PCSK6: variants seen among roughly 807,000 people sequenced by gnomAD.
PCSK6 encodes proprotein convertase subtilisin/kexin type 6, also known as paired basic amino acid cleaving enzyme 4.
PCSK6 carries 85 observed loss-of-function variants against 123.3 expected under a neutral mutation model. The observed-to-expected ratio is 0.69, with a 90% CI of 0.58 to 0.83. The LOEUF is 0.83. Among genes scored for constraint, PCSK6 ranks in the 40% least tolerant of loss-of-function variants. PCSK6 has a pLI of 0.00. For missense variants in PCSK6, 1,191 were observed against 1,282.3 expected (o/e 0.93, Z 1.09); for synonymous variants, 508 against 516.0 (o/e 0.98, Z 0.21).
intron 13 of PCSK6, among the ~76,000 whole-genome samples, chr15:101,344,899 G>A (rs1482898876): frequency 3.3e-5 from 5 of 152,148 alleles, no homozygotes; most frequent in South Asian, 2.1e-4. Flanking sequence ...CAAGTGATCC[G>A]CCCACCTCAG....
intron 1 of PCSK6, among the ~76,000 whole-genome samples, chr15:101,470,911 A>T (rs2057587857): frequency 6.6e-6 from 1 of 152,238 alleles, no homozygotes; most frequent in Non-Finnish European, 1.5e-5. Flanking sequence ...AAAGTCAGCA[A>T]TTCAAATTCT....
chr15:101,432,006 GACC>G lies in PCSK6; in HGVS notation c.494_496del (p.Trp165del). The stretch of plus-strand genomic sequence containing the variant: ...CCTACTCACCAGGTACCACATGTTG[GACC>G]AAATGGGGTCGTTGAAGTAAAGGGC... On this transcript the variant is annotated inframe_deletion, in exon 3 of 22. Coordinates refer to ENST00000611716, the MANE Select transcript of PCSK6 (RefSeq NM_002570.5). The G allele has an allele frequency of 6.2e-7, 1 of 1,612,534 alleles. No individual in the cohort carries two copies. Among genetic ancestry groups the G allele is most frequent in the Non-Finnish European group, 8.5e-7 (1 of 1,178,958 alleles).
At chr15:101,365,007 T>C (rs746361874) in intron 13 of PCSK6, 18 of 777,798 alleles carry the variant, frequency 2.3e-5, no homozygotes, top group Middle Eastern at 4.5e-4. Flanking sequence ...ACCTCTCTTC[T>C]GTGGTCAGTT....
chr15:101,336,367 C>T lies in PCSK6; in HGVS notation c.1859-4336G>A, dbSNP rs552208155. Among the ~76,000 whole-genome samples, 8 of 152,344 alleles carry T rather than the reference C, an allele frequency of 5.3e-5. No individual in the cohort carries two copies. In the East Asian group the frequency reaches 1.2e-3, roughly 22 times the overall value. On this transcript the variant is annotated intron_variant, in intron 13 of 21. Transcript: ENST00000611716. ...TCCATTAAGGGAAACCTACTGCACA[C>T]GTCATTTCAGCTGTGTGCATGTGTA...
At chr15:101,462,952 C>T (rs2057371855) in intron 1 of PCSK6, 2 of 451,856 alleles carry the variant, frequency 4.4e-6, no homozygotes, top group Admixed American at 4.7e-5. Context: ...GCAGCAGCCC[C>T]AGGAGCAGCC....
chr15:101,374,782 C>T (rs1282797144), intron 11 of PCSK6, among the ~76,000 whole-genome samples: 6 of 152,210 alleles, frequency 3.9e-5, no homozygotes, highest in African/African-American at 9.6e-5. Flanking sequence ...TCGGAGGGCA[C>T]ACAGTGCCCG....
chr15:101,401,584 TTCACCA>T (rs2042588625), intron 6 of PCSK6, among the ~76,000 whole-genome samples: 1 of 152,084 alleles, frequency 6.6e-6, no homozygotes, highest in African/African-American at 2.4e-5. Flanking sequence ...AGACCTTGCC[TTCACCA>T]TCAACTGTGA....
chr15:101,447,378 C>T (rs936817966), intron 1 of PCSK6, among the ~76,000 whole-genome samples: 2 of 152,202 alleles, frequency 1.3e-5, no homozygotes, highest in African/African-American at 4.8e-5. Context: ...TAGGGTGTGA[C>T]AAGGACCCAC....
rs186304687 is a variant in PCSK6 at position 101,479,382 on chromosome 15, G to C, written c.297+9992C>G. Among the ~76,000 whole-genome samples the C allele has an allele frequency of 5.2e-4, 79 of 152,380 alleles. 1 individual carries two copies. The highest frequency in any genetic ancestry group is 1.9e-3 in the African/African-American group (78 of 41,588). ...AAGTGAAGGGTTCTGGGTGAGCACA[G>C]AGCAGTGGGGCTCTGAAGAATCCTA... On this transcript the variant is annotated intron_variant, in intron 1 of 21. Coordinates refer to ENST00000611716, the MANE Select transcript of PCSK6 (RefSeq NM_002570.5).
At chr15:101,458,721 G>A (rs1268163517) in intron 1 of PCSK6, among the ~76,000 whole-genome samples, 1 of 152,134 alleles carries the variant, frequency 6.6e-6, no homozygotes, top group Non-Finnish European at 1.5e-5. Flanking sequence ...TTTCTCCCCA[G>A]CGGCAACCAC....
chr15:101,472,411 T>G (rs2057629123), intron 1 of PCSK6, among the ~76,000 whole-genome samples: 1 of 152,228 alleles, frequency 6.6e-6, no homozygotes. Flanking sequence ...AGGCATCAGT[T>G]TCACACCCAC....
At chr15:101,482,089 T>C (rs1227225382) in intron 1 of PCSK6, among the ~76,000 whole-genome samples, 2 of 152,262 alleles carry the variant, frequency 1.3e-5, no homozygotes, top group African/African-American at 2.4e-5. Context: ...CTGTTCATTC[T>C]GGCAGAAGCC....
At chr15:101,404,604 G>T (rs2042713562) in intron 6 of PCSK6, among the ~76,000 whole-genome samples, 1 of 152,204 alleles carries the variant, frequency 6.6e-6, no homozygotes, top group Non-Finnish European at 1.5e-5. Flanking sequence ...GAGTCCTGGG[G>T]TGTAATCTCG....
chr15:101,370,689 T>C (rs1369978733), intron 11 of PCSK6, among the ~76,000 whole-genome samples, 166 bp from the exon 12 acceptor site: 1 of 152,286 alleles, frequency 6.6e-6, no homozygotes, highest in Non-Finnish European at 1.5e-5. Context: ...GATGCTCCAC[T>C]GTGAACTTTA....
intron 17 of PCSK6, among the ~76,000 whole-genome samples, chr15:101,323,446 C>T (rs1241387408): frequency 1.3e-5 from 2 of 152,154 alleles, no homozygotes; most frequent in African/African-American, 4.8e-5. Context: ...TAAAGGGAGT[C>T]TGGGACGGGT....
At position 101,388,141 on chromosome 15, in the gene PCSK6, T is replaced by C. The variant is rs111663307; in HGVS notation, c.1310+1323A>G. Among the ~76,000 whole-genome samples, 959 of 152,318 alleles carry C rather than the reference T, an allele frequency of 6.3e-3. 8 individuals are homozygous for C. The highest frequency in any genetic ancestry group is 0.021 in the African/African-American group (893 of 41,564). On this transcript the variant is annotated intron_variant, in intron 9 of 21. Transcript: ENST00000611716. ...ATACAGCGCAAGGAAGGGTAAAGTA[T>C]GCGAATGTGAGTTTCCACACAAGCA... is the stretch of plus-strand genomic sequence containing the variant.
At position 101,451,982 on chromosome 15, in the gene PCSK6, A is replaced by G. The variant is rs903341724; in HGVS notation, c.298-8322T>C. 2.6e-5 allele frequency among the ~76,000 whole-genome samples: 4 copies of G among 152,204 alleles called. No individual in the cohort carries two copies. In the East Asian group the frequency reaches 7.7e-4, roughly 29 times the overall value. On this transcript the variant is annotated intron_variant, in intron 1 of 21. Coordinates refer to ENST00000611716, the MANE Select transcript of PCSK6 (RefSeq NM_002570.5). ...GAGAGAGAATGGACATTTTGTTGTTATTTCTTAAAGCATTTTTTAAAAACT... is the reference window on the plus strand; with the variant it reads ...GAGAGAGAATGGACATTTTGTTGTTGTTTCTTAAAGCATTTTTTAAAAACT...
At chr15:101,345,956 C>T (rs2040719753) in intron 13 of PCSK6, among the ~76,000 whole-genome samples, 1 of 152,190 alleles carries the variant, frequency 6.6e-6, no homozygotes, top group South Asian at 2.1e-4. Context: ...GCGTGAGCCA[C>T]CACGCCAGAA....
intron 2 of PCSK6, among the ~76,000 whole-genome samples, chr15:101,434,496 G>C (rs778587753): frequency 2.0e-5 from 3 of 152,240 alleles, no homozygotes; most frequent in Non-Finnish European, 4.4e-5. Flanking sequence ...GGAAGAGCCT[G>C]GGCATCCCGG....
Sources: gnomAD v4.1 joint callset for allele counts (sites outside exome capture counted in the v4.1 genomes callset) on GRCh38, gnomAD v4.1.1 for gene constraint, MANE v1.5 for transcripts, NCBI Gene and HGNC (gene_info 2026-07-23, HGNC 2026-07-21) for gene names.